The following PPP6R1 variants were observed in gnomAD, a reference collection of about 807,000 sequenced individuals.
The protein encoded by PPP6R1 is serine/threonine-protein phosphatase 6 regulatory subunit 1.
A neutral mutation model predicts 104.6 loss-of-function variants in PPP6R1; 39 were observed. The observed-to-expected ratio is 0.37, with a 90% CI of 0.29 to 0.49. PPP6R1 has a LOEUF of 0.49. PPP6R1 is among the 20% of genes least tolerant of loss of function. PPP6R1 has a pLI of 0.98. For synonymous variants in PPP6R1, 549 were observed against 479.0 expected, an observed-to-expected ratio of 1.15 and a Z score of -1.91; for missense variants, 1,181 against 1,155.8, an observed-to-expected ratio of 1.02 and a Z score of -0.32.
In PPP6R1 at chr19:55,252,367, C is replaced by T. The variant is rs919074457; in HGVS notation, c.-6-5258G>A. Among the ~76,000 whole-genome samples, 3 of 146,682 alleles carry T rather than the reference C, an allele frequency of 2.0e-5. No individual in the cohort carries two copies. The South Asian group carries it at 6.5e-4, about 32-fold the overall frequency. On this transcript the variant is annotated intron_variant, in intron 1 of 23. Coordinates refer to ENST00000412770, the MANE Select transcript of PPP6R1 (RefSeq NM_014931.4). ...GCCTCAGCCTCCCGAGTAGTGGGGACTACAGGTGCGCACCACCATTCTTGG... is the reference window on the plus strand; with the variant it reads ...GCCTCAGCCTCCCGAGTAGTGGGGATTACAGGTGCGCACCACCATTCTTGG...
At chr19:55,239,949 G>A (rs755975443) in intron 12 of PPP6R1, 38 bp from the exon 13 acceptor site, 8 of 1,612,252 alleles carry the variant, frequency 5.0e-6, no homozygotes, top group Middle Eastern at 1.6e-4. Flanking sequence ...GAGGCATCTC[G>A]GGGCTTCAAG....
intron 1 of PPP6R1, among the ~76,000 whole-genome samples, chr19:55,253,455 C>T (rs2087569051): frequency 6.6e-6 from 1 of 152,216 alleles, no homozygotes; most frequent in African/African-American, 2.4e-5. Context: ...GTCAGGCTTC[C>T]CCTCCAAACC....
chr19:55,230,895 G>A lies in PPP6R1; in HGVS notation c.2460-11C>T, dbSNP rs774127067. The A allele has an allele frequency of 7.5e-6, 12 of 1,591,300 alleles. No homozygotes were observed. The highest frequency in any genetic ancestry group is 9.4e-6 in the Non-Finnish European group (11 of 1,167,186). ...GGGTCTCTGGTTGCACTGTGGGTGAGAGGCAGGTGCGGCTGTCAGCGTGGC... is the reference window on the plus strand; with the variant it reads ...GGGTCTCTGGTTGCACTGTGGGTGAAAGGCAGGTGCGGCTGTCAGCGTGGC... On this transcript the variant is annotated splice_polypyrimidine_tract_variant and intron_variant, in intron 21 of 23. Coordinates refer to ENST00000412770, the MANE Select transcript of PPP6R1 (RefSeq NM_014931.4).
At chr19:55,235,987 C>T (rs1400630934) in intron 17 of PPP6R1, among the ~76,000 whole-genome samples, 3 of 151,694 alleles carry the variant, frequency 2.0e-5, no homozygotes, top group African/African-American at 7.3e-5. Context: ...TACAGGCACA[C>T]GTCACCACAT....
rs1340714755 is a variant in PPP6R1 at position 55,232,159 on chromosome 19, C to T, written c.2041G>A (p.Glu681Lys). The T allele has an allele frequency of 7.6e-6, 12 of 1,576,450 alleles. No individual in the cohort carries two copies. Among genetic ancestry groups the T allele is most frequent in the Non-Finnish European group, 9.5e-6 (11 of 1,160,968 alleles). The change falls in exon 18 of 24, where the codon GAG becomes AAG. Residue 681 changes from glutamate (E) to lysine (K), a missense_variant. Transcript: ENST00000412770. The stretch of plus-strand genomic sequence containing the variant: ...CAGCCAATGCCCTCCTCGTCTTCCT[C>T]CTCCTCCTCGTCCTCCTCTTCTTCG... ...EDEEEEDEEE[E>K]EDEEGIGCAA...
intron 12 of PPP6R1, 34 bp downstream of exon 12, chr19:55,239,965 C>CA (rs1183674028): frequency 6.8e-6 from 11 of 1,611,296 alleles, no homozygotes; most frequent in Non-Finnish European, 8.5e-6. Context: ...TCAAGCCCCC[C>CA]ACCTAGCCCT....
chr19:55,240,337 GTCTGCACACATGTGGGGAGC>G lies in PPP6R1; in HGVS notation c.1297-57_1297-38del, dbSNP rs766213143. 9 of 1,562,052 alleles carry G rather than the reference GTCTGCACACATGTGGGGAGC, an allele frequency of 5.8e-6. No individual in the cohort carries two copies. In the African/African-American group the frequency reaches 9.5e-5, roughly 17 times the overall value. On this transcript the variant is annotated intron_variant, in intron 10 of 23. Transcript: ENST00000412770. ...CGGGACAGGATGGCCTGGAGGGGTGGTCTGCACACATGTGGGGAGCTCTGCACTGCAGCAGGGGTCCCTTC... is the reference window on the plus strand; with the variant it reads ...CGGGACAGGATGGCCTGGAGGGGTGGTCTGCACTGCAGCAGGGGTCCCTTC...
In PPP6R1 at chr19:55,232,136, G is replaced by T; in HGVS notation, c.2064C>A (p.Gly688=). 6.3e-7 allele frequency: 1 copy of T among 1,593,246 alleles called. No individual in the cohort carries two copies. The highest frequency in any genetic ancestry group is 1.1e-5 in the South Asian group (1 of 87,858). ...EEEEEDEEGI[G]CAARGGATPL... ...GGGTGGCCCCTCCACGGGCTGCACA[G>T]CCAATGCCCTCCTCGTCTTCCTCCT... Residue 688 remains glycine, a synonymous_variant, in exon 18 of 24, where the codon GGC becomes GGA. Transcript: ENST00000412770.
chr19:55,253,270 C>T (rs2087567655), intron 1 of PPP6R1, among the ~76,000 whole-genome samples: 1 of 152,240 alleles, frequency 6.6e-6, no homozygotes, highest in African/African-American at 2.4e-5. Flanking sequence ...GGGGTGGAGC[C>T]ACATGGCTAG....
At position 55,245,721 on chromosome 19, in the gene PPP6R1, CGGGGGCA is replaced by C; in HGVS notation, c.228-50_228-44del. 3.2e-6 allele frequency: 2 copies of C among 623,620 alleles called. No homozygotes were observed. Among genetic ancestry groups the C allele is most frequent in the Non-Finnish European group, 5.5e-6 (2 of 361,040 alleles). The allele number at this position is 623,620 out of a possible 1,614,324, so 38.6% of individuals were successfully genotyped here. A position where few individuals can be genotyped will look rare whatever the true frequency, so the allele number is the denominator to read the frequency against. ...GCGGGTGGGGGCTCGGGTCGGAGGC[CGGGGGCA>C]GGGGGCGGCAAGGCTCCACCCTCTT... is the stretch of plus-strand genomic sequence containing the variant. On this transcript the variant is annotated intron_variant, in intron 2 of 23. Coordinates refer to ENST00000412770, the MANE Select transcript of PPP6R1 (RefSeq NM_014931.4). This position sits in a 1 kb window ranked among gnomAD's most constrained non-coding sequence, Gnocchi z 6.4.
rs1427148903 is a variant in PPP6R1 at position 55,231,462 on chromosome 19, C to T, written c.2407G>A (p.Asp803Asn). The change falls in exon 21 of 24, where the codon GAC (aspartate) becomes AAC (asparagine). Residue 803 changes from aspartate to asparagine, a missense_variant. Physicochemically the swap from Asp to Asn is conservative, Grantham distance 23 (BLOSUM62 1). This residue lies in a region of PPP6R1 where 1,042 missense variants were observed against 955.6 expected (regional missense o/e 1.09). Coordinates refer to ENST00000412770, the MANE Select transcript of PPP6R1 (RefSeq NM_014931.4). ...APCQALVSIG[D>N]LQATFHGIRS... is the part of the protein sequence containing the mutation. ...ATCCCGTGGAAGGTGGCCTGAAGGT[C>T]CCCGATGCTAACCAAGGCCTGGCAA... 6.2e-7 allele frequency: 1 copy of T among 1,608,390 alleles called. No homozygotes were observed. The highest frequency in any genetic ancestry group is 8.5e-7 in the Non-Finnish European group (1 of 1,177,846).
chr19:55,236,920 T>C lies in PPP6R1; in HGVS notation c.1802A>G (p.Asp601Gly). ...GGACAGGGCAGTACTCACGTTCTCA[T>C]CGTCAGCATTGAGGGAGAAGGTGAT... The part of the protein sequence containing the change: ...ANITFSLNAD[D>G]ENPNANLLEI... Residue 601 changes from aspartate (D) to glycine (G), a missense_variant, in exon 16 of 24, where the codon GAT (aspartate) becomes GGT (glycine). Around this residue, in one of 2 missense-constraint regions of PPP6R1, gnomAD observed 1,042 missense variants for 955.6 expected, o/e 1.09. Coordinates refer to ENST00000412770, the MANE Select transcript of PPP6R1 (RefSeq NM_014931.4). 6.2e-7 allele frequency: 1 copy of C among 1,613,132 alleles called. No homozygotes were observed. The highest frequency in any genetic ancestry group is 8.5e-7 in the Non-Finnish European group (1 of 1,179,088).
rs2087402275 is a variant in PPP6R1, at chr19:55,236,736, GCCTCTTCCTCGTCCT to G, written c.1880_1894del (p.Glu627_Glu631del). 1 of 1,613,904 alleles carries G rather than the reference GCCTCTTCCTCGTCCT, an allele frequency of 6.2e-7. No individual in the cohort carries two copies. Among genetic ancestry groups the G allele is most frequent in the Non-Finnish European group, 8.5e-7 (1 of 1,179,848 alleles). ...TCCATCAGACTCCCCTGAGCCCTGG[GCCTCTTCCTCGTCCT>G]CCTCTTCCTCATCATCATCAAACTG... On this transcript the variant is annotated inframe_deletion, in exon 17 of 24. Coordinates refer to ENST00000412770, the MANE Select transcript of PPP6R1 (RefSeq NM_014931.4).
rs750868557 is a variant in PPP6R1, at chr19:55,245,974, T to C, written c.228-296A>G. On this transcript the variant is annotated intron_variant, in intron 2 of 23. Transcript: ENST00000412770. The surrounding 1 kb of genome is among the most constrained non-coding windows in gnomAD (Gnocchi z 6.4). Reference sequence around the variant, plus strand: ...CCCCAGCAGCTAACACTCATCCCTTTTGCCTCTCAGCGGCTTCACTTGCAA... The same window carrying C: ...CCCCAGCAGCTAACACTCATCCCTTCTGCCTCTCAGCGGCTTCACTTGCAA... Among the ~76,000 whole-genome samples the C allele has an allele frequency of 2.6e-5, 4 of 152,222 alleles. No individual in the cohort carries two copies. The highest frequency in any genetic ancestry group is 2.1e-4 in the South Asian group (1 of 4,814).
chr19:55,230,390 C>T lies in PPP6R1; in HGVS notation c.*138G>A, dbSNP rs2087329003. 6 of 1,343,528 alleles carry T rather than the reference C, an allele frequency of 4.5e-6. No individual in the cohort carries two copies. The highest frequency in any genetic ancestry group is 6.2e-6 in the Non-Finnish European group (6 of 975,128). The allele number at this position is 1,343,528 out of a possible 1,614,324, so 83.2% of individuals were successfully genotyped here. On this transcript the variant is annotated 3_prime_UTR_variant, in exon 24 of 24. Coordinates refer to ENST00000412770, the MANE Select transcript of PPP6R1 (RefSeq NM_014931.4). ...GGGCCTGTCTCCCTGGCACCAGCCT[C>T]CTGGGGGTCCAGAGGAGAGAATGTG... is the stretch of plus-strand genomic sequence containing the variant.
chr19:55,246,960 C>G lies in PPP6R1; in HGVS notation c.144G>C (p.Leu48=), dbSNP rs770114719. 2.5e-6 allele frequency: 4 copies of G among 1,613,734 alleles called. No individual in the cohort carries two copies. Among genetic ancestry groups the G allele is most frequent in the African/African-American group, 2.7e-5 (2 of 74,926 alleles). ...TTGCTTGCAGGTGGGGTGGCTGCAG[C>G]AGGAAGTCCAGCAGCTTGCGGTTGA... The part of the protein sequence containing the change: ...KVVNRKLLDF[L]LQPPHLQAMV... The change falls in exon 2 of 24, where the codon CTG becomes CTC. Residue 48 remains leucine (L), a synonymous_variant. Coordinates refer to ENST00000412770, the MANE Select transcript of PPP6R1 (RefSeq NM_014931.4).
intron 1 of PPP6R1, among the ~76,000 whole-genome samples, chr19:55,254,228 C>T (rs1398628636): frequency 1.3e-5 from 2 of 152,216 alleles, no homozygotes; most frequent in African/African-American, 4.8e-5. Flanking sequence ...TTCAAGAAAG[C>T]GGAAGTGACT....
intron 1 of PPP6R1, among the ~76,000 whole-genome samples, chr19:55,255,111 G>C (rs528216623): frequency 6.6e-6 from 1 of 152,318 alleles, no homozygotes; most frequent in African/African-American, 2.4e-5. Flanking sequence ...CCCACTTAAA[G>C]AGAACCCTCA....
intron 18 of PPP6R1, 23 bp from the exon 19 acceptor site, chr19:55,232,005 G>A (rs2087353445): frequency 1.2e-6 from 2 of 1,606,312 alleles, no homozygotes; most frequent in Admixed American, 1.7e-5. Flanking sequence ...TGGGGGAGCG[G>A]GATGGAGGGT....
Sources: gnomAD v4.1 joint callset for allele counts (sites outside exome capture counted in the v4.1 genomes callset) on GRCh38, gnomAD v4.1.1 for gene constraint, gnomAD v4.1.1 regional missense constraint, Gnocchi (gnomAD v3.1) non-coding constraint, MANE v1.5 for transcripts, NCBI Gene and HGNC (gene_info 2026-07-23, HGNC 2026-07-21) for gene names.